BRAT1: variants seen among roughly 807,000 people sequenced by gnomAD.
BRAT1 encodes the protein integrator complex assembly factor BRAT1.
A neutral mutation model predicts 70.6 loss-of-function variants in BRAT1; 74 were observed. That is an observed-to-expected ratio of 1.05 (90% CI 0.87 to 1.27). BRAT1 has a LOEUF of 1.27. BRAT1 is among the 50% of genes most tolerant of loss of function. The probability of loss-of-function intolerance (pLI) is 0.00; values close to 1 mark genes in which losing one functional copy is unlikely to be tolerated. For synonymous variants in BRAT1, 615 were observed against 517.1 expected (o/e 1.19, Z -2.57); for missense variants, 1,203 against 1,098.2 (o/e 1.10, Z -1.35).
In BRAT1 at chr7:2,539,854, C is replaced by A; in HGVS notation, c.1430G>T (p.Trp477Leu). The change falls in exon 11 of 14, where the codon TGG becomes TTG. Residue 477 changes from tryptophan to leucine, a missense_variant. Coordinates refer to ENST00000340611, the MANE Select transcript of BRAT1 (RefSeq NM_152743.4). Reference protein sequence around the residue: ...LKKAFQATLRWLLSSPKTPGC... With the variant: ...LKKAFQATLRLLLSSPKTPGC... ...GGGGGTCTTGGGTGAGCTCAGGAGC[C>A]ACCTGAGCGTGGCCTGGAAGGCCTT... 1 of 1,598,154 alleles carries A rather than the reference C, an allele frequency of 6.3e-7. No homozygotes were observed.
rs187670455 is a variant in BRAT1 at position 2,548,073 on chromosome 7, G to A, written c.128-595C>T. On this transcript the variant is annotated intron_variant, in intron 2 of 13. Transcript: ENST00000340611. ...CACACGGCACACTCCAGCCCTGGGC[G>A]ACAGAGCGAGACTCCATTCCAAAAA... 3.0e-3 allele frequency among the ~76,000 whole-genome samples: 419 copies of A among 141,962 alleles called. 3 individuals carry two copies. Among genetic ancestry groups the A allele is most frequent in the Admixed American group, 6.5e-3 (87 of 13,416 alleles). The allele number at this position is 141,962 out of a possible 152,430, so 93.1% of individuals were successfully genotyped here.
At chr7:2,554,544 G>A (rs1489035616) in intron 1 of BRAT1, 97 bp from the exon 2 acceptor site, 7 of 1,413,726 alleles carry the variant, frequency 5.0e-6, no homozygotes, top group Non-Finnish European at 6.5e-6. Context: ...GCCTGGGAAG[G>A]GGCCCCAGAA....
At chr7:2,539,746 C>A in intron 11 of BRAT1, 40 bp downstream of exon 11, 9 of 1,573,228 alleles carry the variant, frequency 5.7e-6, no homozygotes, top group Non-Finnish European at 7.8e-6. Flanking sequence ...TCCACCCCTG[C>A]GACTCCAGCT....
chr7:2,554,753 AGCGTGG>A (rs1780288341), intron 1 of BRAT1, among the ~76,000 whole-genome samples: 1 of 152,202 alleles, frequency 6.6e-6, no homozygotes, highest in Non-Finnish European at 1.5e-5. Flanking sequence ...TCGGGGCAAC[AGCGTGG>A]TGCTGGCCCA....
In BRAT1 at chr7:2,539,584, G is replaced by A. The variant is rs771294370; in HGVS notation, c.1557C>T (p.Ser519=). Residue 519 remains serine (S), a synonymous_variant, in exon 12 of 14, where the codon TCC becomes TCT. Transcript: ENST00000340611. ...LCHPCWEVRD[S]ALEFLTQLSR... is the part of the protein sequence containing the mutation. ...TCAGCTGGGTCAGGAACTCGAGGGC[G>A]GAGTCCCTCACCTCCCAGCAGGGGT... The A allele has an allele frequency of 2.4e-5, 38 of 1,586,614 alleles. No homozygotes were observed. The highest frequency in any genetic ancestry group is 5.3e-5 in the Admixed American group (3 of 56,708).
Position 2,554,463 on chromosome 7 carries a change from G to T in BRAT1, c.-16-16C>A. On this transcript the variant is annotated splice_polypyrimidine_tract_variant and intron_variant, in intron 1 of 13. Transcript: ENST00000340611. The stretch of plus-strand genomic sequence containing the variant: ...GCCGCAGGCCCTGCAAAGGCAATGT[G>T]AGAGCCAAACCTCAATGCCCACTCC... 6.2e-7 allele frequency: 1 copy of T among 1,605,148 alleles called. No homozygotes were observed. The highest frequency in any genetic ancestry group is 1.1e-5 in the South Asian group (1 of 90,580).
chr7:2,554,958 C>A (rs1780307561), intron 1 of BRAT1, among the ~76,000 whole-genome samples: 1 of 148,978 alleles, frequency 6.7e-6, no homozygotes, highest in Admixed American at 6.7e-5. Flanking sequence ...GGCGCCTGTC[C>A]GTGTGTCTGT....
intron 3 of BRAT1, among the ~76,000 whole-genome samples, chr7:2,545,496 C>CTTCTTTT (rs1554296640): frequency 1.2e-4 from 15 of 130,026 alleles, no homozygotes; most frequent in East Asian, 4.7e-4. Context: ...CTTTCTTCTT[C>CTTCTTTT]TTTTTTTTTT....
chr7:2,539,358 G>A lies in BRAT1; in HGVS notation c.1598-7C>T, dbSNP rs766642364. The A allele has an allele frequency of 8.8e-6, 14 of 1,598,152 alleles. No individual in the cohort carries two copies. The East Asian group carries it at 3.1e-4, about 36-fold the overall frequency. ...CATCTGAAGTCAGCCTGTCCTGGGG[G>A]TCGAAACGGCCACATGCAGCTGTGA... is the stretch of plus-strand genomic sequence containing the variant. On this transcript the variant is annotated splice_region_variant and splice_polypyrimidine_tract_variant and intron_variant, in intron 12 of 13. Coordinates refer to ENST00000340611, the MANE Select transcript of BRAT1 (RefSeq NM_152743.4).
intron 1 of BRAT1, 123 bp from the exon 2 acceptor site, chr7:2,554,570 AG>A (rs1308915582): frequency 1.7e-6 from 2 of 1,199,236 alleles, no homozygotes; most frequent in East Asian, 5.3e-5. Flanking sequence ...ATCTCAGACC[AG>A]GAGAACCATG....
At position 2,543,580 on chromosome 7, in the gene BRAT1, G is replaced by C; in HGVS notation, c.803+10C>G. 6.6e-7 allele frequency: 1 copy of C among 1,506,714 alleles called. No homozygotes were observed. The highest frequency in any genetic ancestry group is 8.9e-7 in the Non-Finnish European group (1 of 1,126,866). The allele number at this position is 1,506,714 out of a possible 1,614,324, so 93.3% of individuals were successfully genotyped here. On this transcript the variant is annotated intron_variant, in intron 5 of 13. Coordinates refer to ENST00000340611, the MANE Select transcript of BRAT1 (RefSeq NM_152743.4). The surrounding 1 kb of genome is among the most constrained non-coding windows in gnomAD (Gnocchi z 5.5). The stretch of plus-strand genomic sequence containing the variant: ...ACCCAGGCCCCCCAGCTGCGTCCCG[G>C]GGCCCTGACCGAGCCACACAGAGAA...
Position 2,542,106 on chromosome 7 carries a change from T to C in BRAT1, c.1015+14A>G, listed in dbSNP as rs747122971. 18 of 1,517,544 alleles carry C rather than the reference T, an allele frequency of 1.2e-5. No homozygotes were observed. The South Asian group carries it at 2.3e-4, about 19-fold the overall frequency. The allele number at this position is 1,517,544 out of a possible 1,614,324, so 94.0% of individuals were successfully genotyped here. A position where few individuals can be genotyped will look rare whatever the true frequency, so the allele number is the denominator to read the frequency against. On this transcript the variant is annotated intron_variant, in intron 7 of 13. Coordinates refer to ENST00000340611, the MANE Select transcript of BRAT1 (RefSeq NM_152743.4). ...CCCAGGTTCTGCCCTCCCAGCCCTT[T>C]CTAAGCAGCACACCTGGGGGTCCGG...
At position 2,543,864 on chromosome 7, in the gene BRAT1, G is replaced by A. The variant is rs1238539931; in HGVS notation, c.529C>T (p.Arg177Ter). 6.2e-7 allele frequency: 1 copy of A among 1,612,804 alleles called. No homozygotes were observed. ...CAGGGCTGCCCCTCGGCTCCACCTCGCATGGACAAAGCCAGGACGTGCACC... is the reference window on the plus strand; with the variant it reads ...CAGGGCTGCCCCTCGGCTCCACCTCACATGGACAAAGCCAGGACGTGCACC... ...LLVHVLALSM[R>*]GGAEGQPCLP... Residue 177 changes from arginine (R) to a stop codon, truncating the protein, a stop_gained, in exon 5 of 14, where the codon CGA becomes TGA. Transcript: ENST00000340611. LOFTEE classifies it high-confidence loss of function. The surrounding 1 kb of genome is among the most constrained non-coding windows in gnomAD (Gnocchi z 5.5).
intron 13 of BRAT1, 56 bp from the exon 14 acceptor site, chr7:2,538,820 C>T (rs1024448325): frequency 5.5e-5 from 88 of 1,586,100 alleles, no homozygotes; most frequent in African/African-American, 1.3e-4. Context: ...GCGAGGCTCC[C>T]GCAACAGGAC....
At chr7:2,554,901 G>A (rs981381078) in intron 1 of BRAT1, among the ~76,000 whole-genome samples, 2 of 152,128 alleles carry the variant, frequency 1.3e-5, no homozygotes, top group African/African-American at 4.8e-5. Context: ...TCAAGTGGTG[G>A]CTGCATTTGA....
chr7:2,547,977 G>A (rs1360909613), intron 2 of BRAT1, among the ~76,000 whole-genome samples: 1 of 151,984 alleles, frequency 6.6e-6, no homozygotes, highest in Non-Finnish European at 1.5e-5. Context: ...CCAGCTAATT[G>A]GAAGGCTGAG....
intron 9 of BRAT1, 29 bp from the exon 10 acceptor site, chr7:2,541,081 C>T (rs1447196549): frequency 6.7e-7 from 1 of 1,500,496 alleles, no homozygotes; most frequent in East Asian, 2.5e-5. Flanking sequence ...GATAAACCAC[C>T]CCCACCCCCA....
chr7:2,550,994 C>G (rs1342937174), intron 2 of BRAT1, among the ~76,000 whole-genome samples: 1 of 152,126 alleles, frequency 6.6e-6, no homozygotes, highest in Non-Finnish European at 1.5e-5. Context: ...AACCCCAGCA[C>G]TTTGGGAGGC....
intron 2 of BRAT1, among the ~76,000 whole-genome samples, chr7:2,552,596 G>C (rs555089948): frequency 6.6e-6 from 1 of 151,174 alleles, no homozygotes; most frequent in African/African-American, 2.4e-5. Flanking sequence ...AAAATAAAAA[G>C]AATAAAAGAA....
Sources: allele counts gnomAD v4.1 joint callset (sites outside exome capture counted in the v4.1 genomes callset), GRCh38; gene constraint gnomAD v4.1.1; non-coding constraint Gnocchi (gnomAD v3.1); transcripts MANE v1.5; gene names NCBI Gene and HGNC (gene_info 2026-07-23, HGNC 2026-07-21).